PDE1A: variants seen among roughly 807,000 people sequenced by gnomAD.
The protein encoded by PDE1A is phosphodiesterase 1A.
PDE1A carries 35 observed loss-of-function variants against 61.7 expected under a neutral mutation model. The observed-to-expected ratio is 0.57, with a 90% CI of 0.43 to 0.75. PDE1A has a LOEUF of 0.75. Among genes scored for constraint, PDE1A ranks in the 30% least tolerant of loss-of-function variants. The pLI is 0.00. For missense variants in PDE1A, 597 were observed against 630.6 expected, an observed-to-expected ratio of 0.95 and a Z score of 0.57; for synonymous variants, 232 against 213.2, an observed-to-expected ratio of 1.09 and a Z score of -0.77.
chr2:182,261,221 G>A (rs545440833), intron 2 of PDE1A, among the ~76,000 whole-genome samples: 1 of 152,278 alleles, frequency 6.6e-6, no homozygotes, highest in South Asian at 2.1e-4. Context: ...TATAGAGGAA[G>A]GAGTACTAAA....
chr2:182,402,810 A>G (rs1702079915), intron 1 of PDE1A, among the ~76,000 whole-genome samples: 1 of 152,154 alleles, frequency 6.6e-6, no homozygotes, highest in Non-Finnish European at 1.5e-5. Context: ...GAATCTACAA[A>G]AACTTAAACA....
chr2:182,426,611 A>T, exon 1 of PDE1A: 1 of 1,612,476 alleles, frequency 6.2e-7, no homozygotes, highest in Non-Finnish European at 8.5e-7. Context: ...TTTCTTCCTG[A>T]TTGTGACATG....
Position 182,205,853 on chromosome 2 carries a change from G to A in PDE1A, c.902+87C>T, listed in dbSNP as rs74397875. 8,472 of 1,204,664 alleles carry A rather than the reference G, an allele frequency of 7.0e-3. 406 individuals are homozygous for A. The African/African-American group carries it at 0.11, about 16-fold the overall frequency. 74.6% of individuals were successfully genotyped at this position (1,204,664 alleles called of 1,614,324 possible). A position where few individuals can be genotyped will look rare whatever the true frequency, so the allele number is the denominator to read the frequency against. On this transcript the variant is annotated intron_variant, in intron 8 of 13. Transcript: ENST00000351439. ...AAGTTTGTAATTTGGGGAATGCATC[G>A]ACTTTCATCTTTTTTCTTGACTTTA...
intron 2 of PDE1A, among the ~76,000 whole-genome samples, chr2:182,462,152 T>C (rs959495745): frequency 6.3e-4 from 95 of 151,636 alleles, no homozygotes; most frequent in Non-Finnish European, 1.5e-4. Context: ...CCGGGGCCTG[T>C]TGTGGGGTGG....
intron 1 of PDE1A, among the ~76,000 whole-genome samples, chr2:182,381,438 G>A (rs1464033023): frequency 6.6e-6 from 1 of 152,152 alleles, no homozygotes; most frequent in African/African-American, 2.4e-5. Context: ...ACAGGATGGT[G>A]GCGAATTGCC....
rs201633208 is a variant in PDE1A, at chr2:182,265,416, A to AAC, written c.54-1003_54-1002insGT. 1.3e-4 allele frequency among the ~76,000 whole-genome samples: 20 copies of AAC among 152,264 alleles called. No homozygotes were observed. The East Asian group carries it at 2.3e-3, about 18-fold the overall frequency. ...CATTATTTTAAAAGTTAATTGAGACAAGAAAAAATATACGTATGTGTCCTT... is the reference window on the plus strand; with the variant it reads ...CATTATTTTAAAAGTTAATTGAGACAACAGAAAAAATATACGTATGTGTCCTT... On this transcript the variant is annotated intron_variant, in intron 1 of 13. Transcript: ENST00000351439.
chr2:182,259,137 C>T (rs535353424), intron 2 of PDE1A, among the ~76,000 whole-genome samples: 1 of 152,276 alleles, frequency 6.6e-6, no homozygotes, highest in East Asian at 1.9e-4. Flanking sequence ...TTTCTTTCTA[C>T]CAGACTAACT....
At chr2:182,562,337 G>A in the PDE1A span, among the ~76,000 whole-genome samples, 3 of 149,132 alleles carry the variant, frequency 2.0e-5, no homozygotes, top group African/African-American at 2.4e-5. Flanking sequence ...CTTTGGTTCT[G>A]TTTATATGCT....
At chr2:182,323,537 A>G (rs833180) in intron 1 of PDE1A, among the ~76,000 whole-genome samples, 143,815 of 152,228 alleles carry the variant, frequency 0.94, 68,467 homozygotes, top group East Asian at 1. Flanking sequence ...CCCCTGCCCT[A>G]ATGTTTACCA....
chr2:182,537,544 T>C, the PDE1A span, among the ~76,000 whole-genome samples: 2 of 152,096 alleles, frequency 1.3e-5, no homozygotes, highest in Non-Finnish European at 1.5e-5. Context: ...AAATACCTAA[T>C]GTAGATGACA....
chr2:182,228,343 A>C (rs1237886164), intron 6 of PDE1A, among the ~76,000 whole-genome samples: 3 of 152,114 alleles, frequency 2.0e-5, no homozygotes, highest in African/African-American at 7.2e-5. Flanking sequence ...TGCAGATGAC[A>C]ACATGCATTA....
intron 13 of PDE1A, among the ~76,000 whole-genome samples, chr2:182,170,647 G>A (rs1014892238): frequency 3.3e-5 from 5 of 151,896 alleles, no homozygotes; most frequent in Non-Finnish European, 7.4e-5. Context: ...GACTTACTTC[G>A]CTGCCTTAGA....
In PDE1A at chr2:182,175,383, G is replaced by C. The variant is rs551799691; in HGVS notation, c.1517-7093C>G. 2.8e-3 allele frequency among the ~76,000 whole-genome samples: 428 copies of C among 151,890 alleles called. 3 individuals carry two copies. The highest frequency in any genetic ancestry group is 3.8e-3 in the Non-Finnish European group (260 of 67,964). Reference sequence around the variant, plus strand: ...TTTTTAATGATTGCCATTCTAACTGGTGTGAGATGGTATCTCATTGTGGTT... The same window carrying C: ...TTTTTAATGATTGCCATTCTAACTGCTGTGAGATGGTATCTCATTGTGGTT... On this transcript the variant is annotated intron_variant, in intron 13 of 13. Transcript: ENST00000351439.
upstream of PDE1A, among the ~76,000 whole-genome samples, chr2:182,430,046 A>T (rs569692174): frequency 3.3e-5 from 5 of 152,300 alleles, no homozygotes; most frequent in East Asian, 9.7e-4. Flanking sequence ...GAGGGAAACG[A>T]AACTGCAAGA....
At chr2:182,457,088 T>C (rs1050296553) in intron 2 of PDE1A, among the ~76,000 whole-genome samples, 28 of 152,082 alleles carry the variant, frequency 1.8e-4, no homozygotes, top group Non-Finnish European at 1.5e-5. Context: ...TTGGTACACG[T>C]TCCCTTTCTT....
chr2:182,253,051 G>C (rs896362068), intron 2 of PDE1A, among the ~76,000 whole-genome samples: 1 of 152,202 alleles, frequency 6.6e-6, no homozygotes, highest in African/African-American at 2.4e-5. Context: ...TGTTTTGAGG[G>C]TTACCTTGGA....
chr2:182,432,774 G>A (rs1256185893), intron 2 of PDE1A, among the ~76,000 whole-genome samples: 1 of 151,988 alleles, frequency 6.6e-6, no homozygotes, highest in East Asian at 1.9e-4. Flanking sequence ...GAGGTGGCAG[G>A]AAAGAAGTGG....
intron 1 of PDE1A, among the ~76,000 whole-genome samples, chr2:182,318,480 T>C (rs970655907): frequency 3.9e-5 from 6 of 152,170 alleles, no homozygotes; most frequent in African/African-American, 7.2e-5. Flanking sequence ...GTTATACACA[T>C]AAGTCCATAC....
intron 1 of PDE1A, among the ~76,000 whole-genome samples, chr2:182,374,545 A>C (rs983505028): frequency 6.6e-6 from 1 of 152,158 alleles, no homozygotes; most frequent in Non-Finnish European, 1.5e-5. Context: ...ATAAAAATTC[A>C]AGTAAGAATT....
Sources: allele counts gnomAD v4.1 joint callset (sites outside exome capture counted in the v4.1 genomes callset), GRCh38; gene constraint gnomAD v4.1.1; transcripts MANE v1.5; gene names NCBI Gene and HGNC (gene_info 2026-07-23, HGNC 2026-07-21).